The following SBNO2 variants were observed in gnomAD, a reference collection of about 807,000 sequenced individuals.
The protein encoded by SBNO2 is protein strawberry notch homolog 2.
In SBNO2, 89 loss-of-function variants were observed where a neutral mutation model predicts 146.3. The observed-to-expected ratio is 0.61, with a 90% CI of 0.51 to 0.73. The LOEUF (loss-of-function observed/expected upper bound fraction) is 0.73. Ranked by LOEUF, SBNO2 falls within the 30% of genes least tolerant of loss-of-function variation. SBNO2 has a pLI of 0.00. For missense variants in SBNO2, 2,092 were observed against 2,003.7 expected, an observed-to-expected ratio of 1.04 and a Z score of -0.84; for synonymous variants, 1,147 against 892.6, an observed-to-expected ratio of 1.29 and a Z score of -5.08.
chr19:1,146,631 C>G (rs946402362), intron 4 of SBNO2, among the ~76,000 whole-genome samples: 1 of 151,572 alleles, frequency 6.6e-6, no homozygotes, highest in African/African-American at 2.4e-5. Context: ...TCCGAACCGT[C>G]CCAGGGAAGC....
chr19:1,155,332 G>A (rs2080280625), intron 1 of SBNO2, among the ~76,000 whole-genome samples: 1 of 152,216 alleles, frequency 6.6e-6, no homozygotes, highest in African/African-American at 2.4e-5. Context: ...CCGGGCAACA[G>A]GGGCTGGGGG....
At chr19:1,116,312 C>T (rs1202691123) in intron 16 of SBNO2, among the ~76,000 whole-genome samples, 4 of 151,542 alleles carry the variant, frequency 2.6e-5, no homozygotes, top group Admixed American at 6.6e-5. Context: ...AGGGCCACCT[C>T]GGCCACCAGG....
Position 1,173,833 on chromosome 19 carries a change from G to C in SBNO2, c.-127+339C>G, listed in dbSNP as rs1237862235. The C allele has an allele frequency of 1.3e-5, 2 of 152,246 alleles. No homozygotes were observed. The highest frequency in any genetic ancestry group is 2.9e-5 in the Non-Finnish European group (2 of 68,212). The allele number at this position is 152,246 out of a possible 1,614,324, so 9.4% of individuals were successfully genotyped here. ...GGGGGTCACCAAGCTGCGCGGTACA[G>C]GGAGTCACCCGGAAGAGCGGGAAGG... On this transcript the variant is annotated intron_variant, in intron 1 of 31. Coordinates refer to ENST00000361757, the MANE Select transcript of SBNO2 (RefSeq NM_014963.3). This position sits in a 1 kb window ranked among gnomAD's most constrained non-coding sequence, Gnocchi z 4.7.
At chr19:1,163,993 C>T (rs1255153854) in intron 1 of SBNO2, among the ~76,000 whole-genome samples, 6 of 152,334 alleles carry the variant, frequency 3.9e-5, no homozygotes, top group African/African-American at 1.4e-4. Context: ...AGGACGGGGT[C>T]GGAACCCAGC....
intron 1 of SBNO2, among the ~76,000 whole-genome samples, chr19:1,163,325 C>A (rs2080368222): frequency 6.6e-6 from 1 of 152,230 alleles, no homozygotes. Flanking sequence ...AGTGACGCGG[C>A]CGCAGACCAA....
In SBNO2 at chr19:1,119,028, T is replaced by C; in HGVS notation, c.1510A>G (p.Asn504Asp). 6.2e-7 allele frequency: 1 copy of C among 1,601,492 alleles called. No homozygotes were observed. Among genetic ancestry groups the C allele is most frequent in the Non-Finnish European group, 8.5e-7 (1 of 1,176,546 alleles). Reference protein sequence around the residue: ...PLAPAFECVYNRAALLWAEAL... With the variant: ...PLAPAFECVYDRAALLWAEAL... Reference sequence around the variant, plus strand: ...AGGCTCACCAGCAGGGCCGCGCGGTTGTAGACGCACTCGAAGGCTGGGGCC... The same window carrying C: ...AGGCTCACCAGCAGGGCCGCGCGGTCGTAGACGCACTCGAAGGCTGGGGCC... Residue 504 changes from asparagine (N) to aspartate (D), a missense_variant, in exon 14 of 32, where the codon AAC becomes GAC. Transcript: ENST00000361757.
intron 4 of SBNO2, among the ~76,000 whole-genome samples, chr19:1,132,943 A>G (rs991591553): frequency 3.3e-5 from 5 of 152,206 alleles, no homozygotes; most frequent in African/African-American, 7.2e-5. Flanking sequence ...CCAAGTGTCA[A>G]TGATGCACTT....
intron 4 of SBNO2, among the ~76,000 whole-genome samples, chr19:1,137,206 CA>C (rs1235951781): frequency 1.6e-4 from 13 of 83,640 alleles, no homozygotes; most frequent in African/African-American, 6.7e-4. Context: ...GGGAGGCTGG[CA>C]CTGGGGTGCA....
chr19:1,146,822 T>G, intron 4 of SBNO2, among the ~76,000 whole-genome samples: 10 of 131,896 alleles, frequency 7.6e-5, no homozygotes, highest in South Asian at 3.0e-4. Flanking sequence ...GGGGGTGGGG[T>G]CCGCCTGATG....
At chr19:1,131,212 C>T (rs956784305) in intron 4 of SBNO2, among the ~76,000 whole-genome samples, 5 of 152,318 alleles carry the variant, frequency 3.3e-5, no homozygotes, top group African/African-American at 4.8e-5. Flanking sequence ...ACCCACCCTC[C>T]AGCCTCAGCT....
At chr19:1,113,288 C>T (rs982540748) in intron 19 of SBNO2, among the ~76,000 whole-genome samples, 2 of 152,142 alleles carry the variant, frequency 1.3e-5, no homozygotes, top group Non-Finnish European at 2.9e-5. Flanking sequence ...CAGAGGCCTG[C>T]GCAGGCCAGG....
intron 9 of SBNO2, 46 bp downstream of exon 9, chr19:1,122,612 C>CAA: frequency 1.0e-6 from 1 of 973,190 alleles, no homozygotes; most frequent in Non-Finnish European, 1.5e-6. Context: ...CCCCCGCTTC[C>CAA]GCCCCCCACC....
rs1403945240 is a variant in SBNO2, at chr19:1,149,376, C to T, written c.160G>A (p.Asp54Asn). 1.9e-6 allele frequency: 3 copies of T among 1,552,032 alleles called. No homozygotes were observed. The highest frequency in any genetic ancestry group is 1.4e-5 in the African/African-American group (1 of 73,110). The change falls in exon 3 of 32, where the codon GAC (aspartate) becomes AAC (asparagine). Residue 54 changes from aspartate to asparagine, a missense_variant. Transcript: ENST00000361757. ...GAGGGTCCCGGTACTCACCGGCTGT[C>T]GCTGGAGAAGGCAGGGTATGGCGGC... ...SLPPYPAFSS[D>N]SRPFMSSASF...
chr19:1,123,735 G>C, intron 6 of SBNO2, 96 bp from the exon 7 acceptor site: 2 of 1,282,058 alleles, frequency 1.6e-6, no homozygotes, highest in Non-Finnish European at 2.2e-6. Flanking sequence ...ACCATGGGCA[G>C]CTGAGTGACC....
At chr19:1,117,706 G>T (rs945413838) in intron 14 of SBNO2, among the ~76,000 whole-genome samples, 16 of 152,274 alleles carry the variant, frequency 1.1e-4, no homozygotes, top group Non-Finnish European at 2.2e-4. Context: ...CTCGTGGTGG[G>T]GAAGCCGTGC....
At chr19:1,121,456 T>C (rs1401109038) in intron 11 of SBNO2, among the ~76,000 whole-genome samples, 3 of 152,218 alleles carry the variant, frequency 2.0e-5, no homozygotes, top group South Asian at 2.1e-4. Context: ...GCCATGGCCA[T>C]GTCCTGTGCA....
At position 1,114,211 on chromosome 19, in the gene SBNO2, C is replaced by G. The variant is rs2079803103; in HGVS notation, c.2077+20G>C. On this transcript the variant is annotated intron_variant, in intron 18 of 31. Transcript: ENST00000361757. ...GAATCCTGACCCACAGGTGGCTGGC[C>G]AGCCTGGGCAAGCCCTCACCCCGGT... The G allele has an allele frequency of 7.0e-7, 1 of 1,427,946 alleles. No individual in the cohort carries two copies. The highest frequency in any genetic ancestry group is 9.2e-7 in the Non-Finnish European group (1 of 1,082,596). 88.5% of individuals were successfully genotyped at this position (1,427,946 alleles called of 1,614,324 possible).
At position 1,109,600 on chromosome 19, in the gene SBNO2, T is replaced by C; in HGVS notation, c.3124-2A>G. On this transcript the variant is annotated splice_acceptor_variant, in intron 27 of 31. Coordinates refer to ENST00000361757, the MANE Select transcript of SBNO2 (RefSeq NM_014963.3). LOFTEE classifies it high-confidence loss of function. The surrounding 1 kb of genome is among the most constrained non-coding windows in gnomAD (Gnocchi z 4.2). ...CTTCAGGCCGCGGTCCACGCTGATC[T>C]GCCACGGCACGGGGTGGGGGGGTGT... The C allele has an allele frequency of 7.5e-7, 1 of 1,340,254 alleles. No individual in the cohort carries two copies. The highest frequency in any genetic ancestry group is 1.0e-6 in the Non-Finnish European group (1 of 1,003,784). 83.0% of individuals were successfully genotyped at this position (1,340,254 alleles called of 1,614,324 possible).
In SBNO2 at chr19:1,174,174, C is replaced by G. The variant is rs1045944096; in HGVS notation, c.-129G>C. 1 of 151,854 alleles carries G rather than the reference C, an allele frequency of 6.6e-6. No individual in the cohort carries two copies. Among genetic ancestry groups the G allele is most frequent in the African/African-American group, 2.4e-5 (1 of 41,374 alleles). 9.4% of individuals were successfully genotyped at this position (151,854 alleles called of 1,614,324 possible). On this transcript the variant is annotated splice_region_variant and 5_prime_UTR_variant, in exon 1 of 32. Transcript: ENST00000361757. ...GGGGGTCGCAACCAGAGCCTCACCT[C>G]GGGCCCGGGTCCGGCCGGGCGCGGA...
Sources: allele counts gnomAD v4.1 joint callset (sites outside exome capture counted in the v4.1 genomes callset), GRCh38; gene constraint gnomAD v4.1.1; non-coding constraint Gnocchi (gnomAD v3.1); transcripts MANE v1.5; gene names NCBI Gene and HGNC (gene_info 2026-07-23, HGNC 2026-07-21).